The following NECTIN2 variants were observed in gnomAD, a reference collection of about 807,000 sequenced individuals.
NECTIN2 encodes nectin cell adhesion molecule 2, also known as nectin-2.
A neutral mutation model predicts 56.9 loss-of-function variants in NECTIN2; 23 were observed. The ratio of observed to expected loss-of-function variants is 0.40; its 90% CI spans 0.29 to 0.57. The LOEUF (loss-of-function observed/expected upper bound fraction) is 0.57, where lower values mean the gene tolerates loss of function less well. Ranked by LOEUF, NECTIN2 falls within the 20% of genes least tolerant of loss-of-function variation. The probability of loss-of-function intolerance (pLI) is 0.38; values close to 1 mark genes in which losing one functional copy is unlikely to be tolerated. For synonymous variants in NECTIN2, 302 were observed against 313.8 expected (o/e 0.96, Z 0.40); for missense variants, 587 against 718.3 (o/e 0.82, Z 2.09).
intron 5 of NECTIN2, among the ~76,000 whole-genome samples, chr19:44,881,070 G>A (rs986027591): frequency 4.6e-5 from 5 of 109,768 alleles, no homozygotes; most frequent in South Asian, 4.3e-4. Flanking sequence ...CAACGCGCCC[G>A]GCTAGCCCCC....
At chr19:44,852,435 G>T (rs76511972) in intron 1 of NECTIN2, among the ~76,000 whole-genome samples, 1,844 of 142,174 alleles carry the variant, frequency 0.013, 46 homozygotes, top group African/African-American at 0.045. Context: ...TGTTTTTTTT[G>T]TTTTTTTTTT....
At chr19:44,854,373 G>A (rs1434017910) in intron 1 of NECTIN2, among the ~76,000 whole-genome samples, 1 of 151,382 alleles carries the variant, frequency 6.6e-6, no homozygotes, top group African/African-American at 2.4e-5. Flanking sequence ...TTGAGCCACC[G>A]CCCCATCCTA....
At chr19:44,849,500 C>G (rs572498417) in intron 1 of NECTIN2, among the ~76,000 whole-genome samples, 8 of 152,028 alleles carry the variant, frequency 5.3e-5, no homozygotes, top group African/African-American at 1.9e-4. Context: ...GGCCAGCTCC[C>G]CCGCCCCTGC....
chr19:44,848,865 G>C (rs1031771932), intron 1 of NECTIN2, among the ~76,000 whole-genome samples: 2 of 151,912 alleles, frequency 1.3e-5, no homozygotes, highest in Non-Finnish European at 2.9e-5. Flanking sequence ...CCCCCGCTTG[G>C]CCTCCTCGGG....
chr19:44,877,433 C>A (rs917414749), intron 5 of NECTIN2, among the ~76,000 whole-genome samples: 6 of 152,312 alleles, frequency 3.9e-5, no homozygotes, highest in Admixed American at 2.0e-4. Context: ...CTCCCCACTA[C>A]CTCCCATCCC....
At chr19:44,880,028 G>A (rs1969290337) in intron 5 of NECTIN2, among the ~76,000 whole-genome samples, 1 of 152,234 alleles carries the variant, frequency 6.6e-6, no homozygotes, top group African/African-American at 2.4e-5. Context: ...TCCAGAGGAT[G>A]CCAGGCTGTG....
chr19:44,882,690 C>CAA (rs35741405), intron 6 of NECTIN2, among the ~76,000 whole-genome samples: 4,842 of 38,178 alleles, frequency 0.13, 339 homozygotes, highest in Non-Finnish European at 0.18. Context: ...CCCCCATCTA[C>CAA]AAAAAAAAAA....
chr19:44,864,384 G>T (rs1389191717), intron 1 of NECTIN2, among the ~76,000 whole-genome samples: 1 of 151,874 alleles, frequency 6.6e-6, no homozygotes, highest in Non-Finnish European at 1.5e-5. Flanking sequence ...TTAAAGGCAG[G>T]GTCTCACTCT....
At chr19:44,852,791 AAG>A (rs1243060144) in intron 1 of NECTIN2, among the ~76,000 whole-genome samples, 1 of 152,008 alleles carries the variant, frequency 6.6e-6, no homozygotes. Context: ...GTGAGAGAGA[AAG>A]AGGTGAAAAT....
chr19:44,860,770 G>A (rs1046654436), intron 1 of NECTIN2, among the ~76,000 whole-genome samples: 4 of 151,618 alleles, frequency 2.6e-5, no homozygotes, highest in Admixed American at 2.6e-4. Flanking sequence ...TATATTTTTA[G>A]TAGAGACAGG....
intron 2 of NECTIN2, among the ~76,000 whole-genome samples, chr19:44,869,505 A>G (rs908084014): frequency 1.4e-5 from 2 of 147,054 alleles, no homozygotes; most frequent in African/African-American, 5.0e-5. Flanking sequence ...AGGCAGGAGA[A>G]TGGCATGAAC....
intron 1 of NECTIN2, among the ~76,000 whole-genome samples, chr19:44,857,663 A>C (rs964600346): frequency 1.3e-5 from 2 of 151,142 alleles, no homozygotes; most frequent in Admixed American, 1.3e-4. Context: ...TGGCCTCCCA[A>C]AGTGCTGGGA....
At chr19:44,858,852 A>T (rs1305169681) in intron 1 of NECTIN2, among the ~76,000 whole-genome samples, 1 of 151,338 alleles carries the variant, frequency 6.6e-6, no homozygotes, top group East Asian at 2.0e-4. Context: ...CATGTTGGCC[A>T]GTCTGGTCTC....
chr19:44,849,699 C>T (rs544724947), intron 1 of NECTIN2, among the ~76,000 whole-genome samples: 29 of 152,156 alleles, frequency 1.9e-4, no homozygotes, highest in African/African-American at 6.3e-4. Context: ...GAGACGTAGA[C>T]CAGAAGGCTT....
Position 44,882,280 on chromosome 19 carries a change from C to T in NECTIN2, c.1112C>T (p.Ala371Val). The T allele has an allele frequency of 6.4e-7, 1 of 1,568,330 alleles. No homozygotes were observed. Among genetic ancestry groups the T allele is most frequent in the Non-Finnish European group, 8.6e-7 (1 of 1,157,138 alleles). ...GGGGGCATCATCGCCGCCATCATTG[C>T]TACTGCTGTGGCTGCCACGGGCATC... ...IIGGIIAAII[A>V]TAVAATGILI... Residue 371 changes from alanine (A) to valine (V), a missense_variant, in exon 6 of 9, where the codon GCT becomes GTT. Physicochemically the swap from Ala to Val is moderately conservative, Grantham distance 64 (BLOSUM62 0). Coordinates refer to ENST00000252483, the MANE Select transcript of NECTIN2 (RefSeq NM_001042724.2).
chr19:44,869,288 G>A (rs1969141990), intron 2 of NECTIN2, among the ~76,000 whole-genome samples: 1 of 151,892 alleles, frequency 6.6e-6, no homozygotes, highest in Non-Finnish European at 1.5e-5. Flanking sequence ...AATAAATAAT[G>A]AGACTCAGAA....
chr19:44,863,981 GT>G (rs957451177), intron 1 of NECTIN2, among the ~76,000 whole-genome samples: 29 of 146,114 alleles, frequency 2.0e-4, no homozygotes, highest in East Asian at 1.4e-3. Context: ...TTTTATGAAA[GT>G]TTTTTTTTAT....
chr19:44,875,894 C>T lies in NECTIN2; in HGVS notation c.1042+1416C>T, dbSNP rs1026717470. ...AGCAAACCCAGAGAGACAGCTGTCC[C>T]GCTCTGGGCTCGCCTGGCGCGTGAG... On this transcript the variant is annotated intron_variant, in intron 5 of 8. Coordinates refer to ENST00000252483, the MANE Select transcript of NECTIN2 (RefSeq NM_001042724.2). This position sits in a 1 kb window ranked among gnomAD's most constrained non-coding sequence, Gnocchi z 4.2. 5.3e-5 allele frequency among the ~76,000 whole-genome samples: 8 copies of T among 152,186 alleles called. No homozygotes were observed. The highest frequency in any genetic ancestry group is 2.1e-4 in the South Asian group (1 of 4,834).
At chr19:44,881,346 C>T (rs1378582178) in intron 5 of NECTIN2, among the ~76,000 whole-genome samples, 5 of 152,048 alleles carry the variant, frequency 3.3e-5, no homozygotes, top group Admixed American at 2.6e-4. Context: ...CACTCTGCCC[C>T]GCCTCATTCT....
Sources: gnomAD v4.1 joint callset for allele counts (sites outside exome capture counted in the v4.1 genomes callset) on GRCh38, gnomAD v4.1.1 for gene constraint, Gnocchi (gnomAD v3.1) non-coding constraint, MANE v1.5 for transcripts, NCBI Gene and HGNC (gene_info 2026-07-23, HGNC 2026-07-21) for gene names.